The following MB21D2 variants were observed in gnomAD, a reference collection of about 807,000 sequenced individuals.
MB21D2 encodes nucleotidyltransferase MB21D2.
In MB21D2, 9 loss-of-function variants were observed where a neutral mutation model predicts 33.3. The ratio of observed to expected loss-of-function variants is 0.27; its 90% CI spans 0.16 to 0.47. The LOEUF (loss-of-function observed/expected upper bound fraction) is 0.47. MB21D2 is among the 20% of genes least tolerant of loss of function. The pLI, the probability that MB21D2 is intolerant of heterozygous loss-of-function variation, is 0.99. For synonymous variants in MB21D2, 241 were observed against 236.3 expected (o/e 1.02, Z -0.18); for missense variants, 540 against 624.6 (o/e 0.86, Z 1.44).
Position 192,832,117 on chromosome 3 carries a change from C to A in MB21D2, c.212-32467G>T, listed in dbSNP as rs557705346. ...ACTTGGTGCCTTTGATAAATACACACCCAGGCCCCTTGCCTAGAGACTCTG... is the reference window on the plus strand; with the variant it reads ...ACTTGGTGCCTTTGATAAATACACAACCAGGCCCCTTGCCTAGAGACTCTG... On this transcript the variant is annotated intron_variant, in intron 1 of 1. Transcript: ENST00000392452. Among the ~76,000 whole-genome samples the A allele has an allele frequency of 7.9e-5, 12 of 152,308 alleles. No homozygotes were observed. The South Asian group carries it at 2.5e-3, about 32-fold the overall frequency.
Position 192,901,444 on chromosome 3 carries a change from G to T in MB21D2, c.211+16186C>A, listed in dbSNP as rs867845059. ...AAAAAAAAAAAAAAAAGACTTTATTGCCAGAAAGCCTTGAGTAAGTAGGTT... is the reference window on the plus strand; with the variant it reads ...AAAAAAAAAAAAAAAAGACTTTATTTCCAGAAAGCCTTGAGTAAGTAGGTT... On this transcript the variant is annotated intron_variant, in intron 1 of 1. Transcript: ENST00000392452. Among the ~76,000 whole-genome samples, 48 of 139,626 alleles carry T rather than the reference G, an allele frequency of 3.4e-4. 1 individual carries two copies. The highest frequency in any genetic ancestry group is 1.3e-3 in the African/African-American group (47 of 37,508). The allele number at this position is 139,626 out of a possible 152,430, so 91.6% of individuals were successfully genotyped here.
chr3:192,882,289 G>A (rs569434404), intron 1 of MB21D2, among the ~76,000 whole-genome samples: 2 of 152,188 alleles, frequency 1.3e-5, no homozygotes, highest in African/African-American at 4.8e-5. Context: ...TGGTTAGGCT[G>A]GTCTCGAACT....
chr3:192,822,450 C>T (rs1712080684), intron 1 of MB21D2, among the ~76,000 whole-genome samples: 2 of 145,436 alleles, frequency 1.4e-5, no homozygotes, highest in African/African-American at 5.1e-5. Flanking sequence ...ATTCCTCCCA[C>T]CCCTTTTGGA....
At chr3:192,872,281 A>G (rs1713321515) in intron 1 of MB21D2, among the ~76,000 whole-genome samples, 1 of 152,218 alleles carries the variant, frequency 6.6e-6, no homozygotes, top group African/African-American at 2.4e-5. Context: ...CTAAGGATCA[A>G]AAGTTGCAAA....
At chr3:192,843,523 T>A (rs73890339) in intron 1 of MB21D2, among the ~76,000 whole-genome samples, 10,723 of 151,534 alleles carry the variant, frequency 0.071, 1,266 homozygotes, top group African/African-American at 0.25. Context: ...GCAATAGAGG[T>A]AGGGACATTT....
intron 1 of MB21D2, among the ~76,000 whole-genome samples, chr3:192,882,866 C>T (rs1713636423): frequency 6.6e-6 from 1 of 151,982 alleles, no homozygotes; most frequent in Admixed American, 6.5e-5. Flanking sequence ...TCCCGAGTAG[C>T]TGGGACTACA....
intron 1 of MB21D2, among the ~76,000 whole-genome samples, chr3:192,820,711 T>A (rs1428839247): frequency 6.6e-6 from 1 of 152,218 alleles, no homozygotes; most frequent in Non-Finnish European, 1.5e-5. Context: ...TCAGCCAGCA[T>A]CTGGAGGTAC....
At chr3:192,848,804 G>A (rs1712725309) in intron 1 of MB21D2, among the ~76,000 whole-genome samples, 1 of 152,220 alleles carries the variant, frequency 6.6e-6, no homozygotes, top group Non-Finnish European at 1.5e-5. Flanking sequence ...ACCTGGTCAT[G>A]TACAGCCAGC....
intron 1 of MB21D2, among the ~76,000 whole-genome samples, chr3:192,895,816 T>A (rs1346806778): frequency 2.0e-5 from 3 of 152,254 alleles, no homozygotes; most frequent in Non-Finnish European, 4.4e-5. Context: ...CATTGCAACC[T>A]CTGCCTCCCA....
At position 192,799,305 on chromosome 3, in the gene MB21D2, T is replaced by C. The variant is rs758847500; in HGVS notation, c.557A>G (p.Asp186Gly). ...AATGCTGATAGAGTCATAGAACCAGTCAGCCACTTTGGTAGGTGAGAAGAA... is the reference window on the plus strand; with the variant it reads ...AATGCTGATAGAGTCATAGAACCAGCCAGCCACTTTGGTAGGTGAGAAGAA... Reference protein sequence around the residue: ...NYFFSPTKVADWFYDSISIVL... With the variant: ...NYFFSPTKVAGWFYDSISIVL... Residue 186 changes from aspartate (D) to glycine (G), a missense_variant, in exon 2 of 2, where the codon GAC (aspartate) becomes GGC (glycine). By Grantham distance (94) the Asp-to-Gly change is moderately conservative. Coordinates refer to ENST00000392452, the MANE Select transcript of MB21D2 (RefSeq NM_178496.4). The surrounding 1 kb of genome is among the most constrained non-coding windows in gnomAD (Gnocchi z 4.1). 3 of 1,614,242 alleles carry C rather than the reference T, an allele frequency of 1.9e-6. No individual in the cohort carries two copies. The South Asian group carries it at 3.3e-5, about 18-fold the overall frequency.
intron 1 of MB21D2, among the ~76,000 whole-genome samples, chr3:192,907,390 T>C (rs957997349): frequency 3.9e-5 from 6 of 152,098 alleles, no homozygotes; most frequent in African/African-American, 1.4e-4. Context: ...CTCGCATCCC[T>C]CCCTTGTCTG....
At chr3:192,879,943 G>A (rs1169864659) in intron 1 of MB21D2, among the ~76,000 whole-genome samples, 1 of 152,100 alleles carries the variant, frequency 6.6e-6, no homozygotes, top group Non-Finnish European at 1.5e-5. Flanking sequence ...AAGAGGAATG[G>A]ACTGGCAGAT....
chr3:192,814,346 G>C (rs1711864371), intron 1 of MB21D2, among the ~76,000 whole-genome samples: 1 of 152,100 alleles, frequency 6.6e-6, no homozygotes, highest in African/African-American at 2.4e-5. Flanking sequence ...ATAAAGAGCT[G>C]AATCTGCTGA....
rs371272883 is a variant in MB21D2 at position 192,798,674 on chromosome 3, G to C, written c.1188C>G (p.His396Gln). 2 of 1,613,342 alleles carry C rather than the reference G, an allele frequency of 1.2e-6. No individual in the cohort carries two copies. The highest frequency in any genetic ancestry group is 3.3e-5 in the Admixed American group (2 of 60,020). ...EHLSEETVML[H>Q]ARKLSSVRSD... The stretch of plus-strand genomic sequence containing the variant: ...AGCGCACAGAGGACAGCTTCCGGGC[G>C]TGAAGCATGACTGTCTCCTCAGACA... The change falls in exon 2 of 2, where the codon CAC becomes CAG. Residue 396 changes from histidine (H) to glutamine (Q), a missense_variant. By Grantham distance (24) the His-to-Gln change is conservative. Coordinates refer to ENST00000392452, the MANE Select transcript of MB21D2 (RefSeq NM_178496.4). This position sits in a 1 kb window ranked among gnomAD's most constrained non-coding sequence, Gnocchi z 4.8.
chr3:192,884,528 G>C lies in MB21D2; in HGVS notation c.211+33102C>G, dbSNP rs546514635. Among the ~76,000 whole-genome samples the C allele has an allele frequency of 2.0e-3, 222 of 111,972 alleles. 4 individuals carry two copies. Among genetic ancestry groups the C allele is most frequent in the African/African-American group, 7.0e-3 (216 of 30,774 alleles). The allele number at this position is 111,972 out of a possible 152,430, so 73.5% of individuals were successfully genotyped here. A position where few individuals can be genotyped will look rare whatever the true frequency, so the allele number is the denominator to read the frequency against. ...ACTACAGGCGCCCGCCACCACGCCC[G>C]GCTAATTTTTTGTATTTTTTAGTAG... On this transcript the variant is annotated intron_variant, in intron 1 of 1. Coordinates refer to ENST00000392452, the MANE Select transcript of MB21D2 (RefSeq NM_178496.4).
chr3:192,872,298 C>T (rs572473326), intron 1 of MB21D2, among the ~76,000 whole-genome samples: 1 of 152,164 alleles, frequency 6.6e-6, no homozygotes, highest in South Asian at 2.1e-4. Flanking sequence ...CAAAGCTGGC[C>T]GGGCGCGGGG....
Position 192,798,244 on chromosome 3 carries a change from C to T in MB21D2, c.*142G>A, listed in dbSNP as rs144889516. 0.011 allele frequency: 9,577 copies of T among 861,928 alleles called. 71 individuals carry two copies. Among genetic ancestry groups the T allele is most frequent in the Admixed American group, 0.014 (510 of 36,930 alleles). 53.4% of individuals were successfully genotyped at this position (861,928 alleles called of 1,614,324 possible). ...TATACTGTTTCAGAGCCTGCACCAT[C>T]CTGCAGAACCAGGAAACTTAAAATT... On this transcript the variant is annotated 3_prime_UTR_variant, in exon 2 of 2. Transcript: ENST00000392452. The surrounding 1 kb of genome is among the most constrained non-coding windows in gnomAD (Gnocchi z 4.8).
At chr3:192,826,658 A>T (rs1712178703) in intron 1 of MB21D2, among the ~76,000 whole-genome samples, 1 of 152,218 alleles carries the variant, frequency 6.6e-6, no homozygotes, top group African/African-American at 2.4e-5. Flanking sequence ...TGGCCTCTTA[A>T]TCTCAGAAGG....
chr3:192,891,191 A>T (rs1000019995), intron 1 of MB21D2, among the ~76,000 whole-genome samples: 1 of 152,174 alleles, frequency 6.6e-6, no homozygotes, highest in African/African-American at 2.4e-5. Flanking sequence ...AGAAAACATA[A>T]ATACAGATTT....
Sources: allele counts gnomAD v4.1 joint callset (sites outside exome capture counted in the v4.1 genomes callset), GRCh38; gene constraint gnomAD v4.1.1; non-coding constraint Gnocchi (gnomAD v3.1); transcripts MANE v1.5; gene names NCBI Gene and HGNC (gene_info 2026-07-23, HGNC 2026-07-21).